The following MACO1 variants were observed in gnomAD, a reference collection of about 807,000 sequenced individuals.
The protein encoded by MACO1 is macoilin.
In MACO1, 14 loss-of-function variants were observed where a neutral mutation model predicts 78.7. The ratio of observed to expected loss-of-function variants is 0.18; its 90% confidence interval spans 0.12 to 0.28. MACO1 has a LOEUF of 0.28. MACO1 is among the 10% of genes least tolerant of loss of function. MACO1 has a pLI of 1.00. For synonymous variants in MACO1, 288 were observed against 291.6 expected (o/e 0.99, Z 0.12); for missense variants, 501 against 799.0 (o/e 0.63, Z 4.50).
chr1:25,485,506 C>T lies in MACO1; in HGVS notation c.1314-107C>T. ...GCATTGACATTTTTGATTTGCTGTT[C>T]AAACCTCCTGTTTAATTGGCCTTAA... On this transcript the variant is annotated intron_variant, in intron 7 of 10. Transcript: ENST00000374343. This position sits in a 1 kb window ranked among gnomAD's most constrained non-coding sequence, Gnocchi z 4.3. 8.4e-7 allele frequency: 1 copy of T among 1,192,820 alleles called. No homozygotes were observed. The highest frequency in any genetic ancestry group is 1.2e-6 in the Non-Finnish European group (1 of 858,616). 73.9% of individuals were successfully genotyped at this position (1,192,820 alleles called of 1,614,324 possible). A position where few individuals can be genotyped will look rare whatever the true frequency, so the allele number is the denominator to read the frequency against.
chr1:25,472,201 T>A (rs907702460), intron 6 of MACO1, among the ~76,000 whole-genome samples: 1 of 152,000 alleles, frequency 6.6e-6, no homozygotes, highest in African/African-American at 2.4e-5. Context: ...TAAAAAAATA[T>A]ATATATTATA....
chr1:25,446,377 A>C (rs1388117384), intron 1 of MACO1, among the ~76,000 whole-genome samples: 1 of 152,216 alleles, frequency 6.6e-6, no homozygotes, highest in East Asian at 1.9e-4. Flanking sequence ...GGAAACAGCA[A>C]ATTTGAAGCC....
At chr1:25,494,852 T>A (rs567647470) in intron 10 of MACO1, among the ~76,000 whole-genome samples, 2 of 152,130 alleles carry the variant, frequency 1.3e-5, no homozygotes, top group African/African-American at 4.8e-5. Context: ...TAGGAAATAT[T>A]CCTCAGTCAG....
At chr1:25,436,725 AG>A (rs2042921932) in intron 1 of MACO1, among the ~76,000 whole-genome samples, 1 of 152,234 alleles carries the variant, frequency 6.6e-6, no homozygotes, top group Non-Finnish European at 1.5e-5. Context: ...GAGAATATTG[AG>A]GCTCTGTATC....
Position 25,431,140 on chromosome 1 carries a change from C to T in MACO1, c.42C>T (p.Pro14=). ...RNADCSKLRR[P]LKRNRITEGI... ...CCGACTGCAGTAAGCTCCGCCGCCC[C>T]CTAAAGCGGAACCGGATCACCGAGG... Residue 14 remains proline (P), a synonymous_variant, in exon 1 of 11, where the codon CCC becomes CCT. Transcript: ENST00000374343. 10 of 1,598,886 alleles carry T rather than the reference C, an allele frequency of 6.3e-6. No homozygotes were observed. Among genetic ancestry groups the T allele is most frequent in the South Asian group, 4.5e-5 (4 of 89,510 alleles).
intron 6 of MACO1, among the ~76,000 whole-genome samples, chr1:25,465,264 C>T (rs1340323525): frequency 6.6e-6 from 1 of 152,220 alleles, no homozygotes; most frequent in African/African-American, 2.4e-5. Context: ...AAGCTATAAA[C>T]ATCTATGTGC....
chr1:25,451,465 T>A (rs1319635974), intron 3 of MACO1, among the ~76,000 whole-genome samples: 1 of 152,192 alleles, frequency 6.6e-6, no homozygotes, highest in Non-Finnish European at 1.5e-5. Context: ...TTTTTCTATT[T>A]TTTTCTGTAA....
chr1:25,463,085 A>G (rs2043185788), intron 6 of MACO1, among the ~76,000 whole-genome samples: 1 of 152,174 alleles, frequency 6.6e-6, no homozygotes, highest in African/African-American at 2.4e-5. Context: ...GACGTCCATC[A>G]TATAGTAGTC....
chr1:25,486,350 T>C (rs971350781), intron 8 of MACO1, among the ~76,000 whole-genome samples: 1 of 152,120 alleles, frequency 6.6e-6, no homozygotes, highest in Non-Finnish European at 1.5e-5. Flanking sequence ...ATAATGAAAA[T>C]TGGGGACTAC....
chr1:25,454,082 G>T (rs1014976459), intron 3 of MACO1, among the ~76,000 whole-genome samples, 177 bp from the exon 4 acceptor site: 1 of 152,032 alleles, frequency 6.6e-6, no homozygotes, highest in South Asian at 2.1e-4. Context: ...TTTTGTCAGC[G>T]ATTCTGTGGA....
intron 3 of MACO1, among the ~76,000 whole-genome samples, chr1:25,451,341 G>GA (rs1396862131): frequency 6.6e-6 from 1 of 151,852 alleles, no homozygotes; most frequent in South Asian, 2.1e-4. Flanking sequence ...GTTAAGAGGG[G>GA]AAAAAAACAG....
chr1:25,489,148 A>G, intron 8 of MACO1, 25 bp from the exon 9 acceptor site: 1 of 1,609,180 alleles, frequency 6.2e-7, no homozygotes, highest in South Asian at 1.1e-5. Context: ...AAATCACTTT[A>G]TTTCCTTCTC....
chr1:25,447,828 T>G (rs950761005), intron 2 of MACO1, among the ~76,000 whole-genome samples: 1 of 152,190 alleles, frequency 6.6e-6, no homozygotes, highest in African/African-American at 2.4e-5. Flanking sequence ...AGCATAGGCC[T>G]GGGCTTGTTC....
Position 25,448,810 on chromosome 1 carries a change from CT to C in MACO1, c.227del (p.Phe76SerfsTer8). ...YDSFRYQGLA[F>X]SVFFVCVAFT... ...TTTTGTTTTATTTTTCCCTTTAGGC[CT>C]TCTCAGTATTTTTTGTTTGTGTAGC... On this transcript the variant is annotated frameshift_variant, in exon 3 of 11. Coordinates refer to ENST00000374343, the MANE Select transcript of MACO1 (RefSeq NM_018202.6). LOFTEE classifies it high-confidence loss of function. 1.3e-6 allele frequency: 2 copies of C among 1,536,446 alleles called. No homozygotes were observed. The highest frequency in any genetic ancestry group is 2.6e-5 in the South Asian group (2 of 78,088).
chr1:25,450,027 CACA>C (rs1031909039), intron 3 of MACO1, among the ~76,000 whole-genome samples: 2 of 152,106 alleles, frequency 1.3e-5, no homozygotes, highest in African/African-American at 4.8e-5. Context: ...TCAAAAAACA[CACA>C]ACAAAACAAC....
At chr1:25,447,297 G>A (rs1420294369) in intron 2 of MACO1, among the ~76,000 whole-genome samples, 3 of 152,104 alleles carry the variant, frequency 2.0e-5, no homozygotes, top group Admixed American at 6.6e-5. Flanking sequence ...TGGAGTTAGA[G>A]TAGTGTTTCA....
chr1:25,482,340 T>C (rs2043386466), intron 6 of MACO1, among the ~76,000 whole-genome samples: 1 of 152,166 alleles, frequency 6.6e-6, no homozygotes, highest in Non-Finnish European at 1.5e-5. Context: ...AATTTTTCTT[T>C]CATTCTCAAC....
intron 6 of MACO1, among the ~76,000 whole-genome samples, chr1:25,463,369 A>G (rs1035906667): frequency 2.6e-5 from 4 of 152,248 alleles, no homozygotes; most frequent in African/African-American, 7.2e-5. Flanking sequence ...GGTGTTGCCT[A>G]TAGGGTCCTT....
chr1:25,474,361 C>T (rs1373127253), intron 6 of MACO1, among the ~76,000 whole-genome samples: 1 of 149,198 alleles, frequency 6.7e-6, no homozygotes, highest in African/African-American at 2.6e-5. Flanking sequence ...TTGTGTTTTG[C>T]TCCCTCTAGC....
Sources: allele counts gnomAD v4.1 joint callset (sites outside exome capture counted in the v4.1 genomes callset), GRCh38; gene constraint gnomAD v4.1.1; non-coding constraint Gnocchi (gnomAD v3.1); transcripts MANE v1.5; gene names NCBI Gene and HGNC (gene_info 2026-07-23, HGNC 2026-07-21).